Variants in COL14A1 observed in about 807,000 individuals in gnomAD.
COL14A1 encodes collagen alpha-1(XIV) chain.
A neutral mutation model predicts 230.3 loss-of-function variants in COL14A1; 136 were observed. That is an observed-to-expected ratio of 0.59 (90% CI 0.51 to 0.68). COL14A1 has a LOEUF of 0.68. Ranked by LOEUF, COL14A1 falls within the 30% of genes least tolerant of loss-of-function variation. The probability of loss-of-function intolerance (pLI) is 0.00; values close to 1 mark genes in which losing one functional copy is unlikely to be tolerated. For missense variants in COL14A1, 1,976 were observed against 2,215.8 expected, an observed-to-expected ratio of 0.89 and a Z score of 2.17; for synonymous variants, 792 against 784.1, an observed-to-expected ratio of 1.01 and a Z score of -0.17.
chr8:120,213,903 G>T, intron 13 of COL14A1: 2 of 382,940 alleles, frequency 5.2e-6, no homozygotes, highest in South Asian at 1.9e-5. Context: ...TAATTATATT[G>T]CTTTTTTTTC....
intron 24 of COL14A1, among the ~76,000 whole-genome samples, chr8:120,265,560 A>G (rs1264229368): frequency 2.6e-5 from 4 of 151,794 alleles, no homozygotes; most frequent in African/African-American, 9.7e-5. Context: ...TTTCAGAAAT[A>G]TTTCCTTTTC....
intron 4 of COL14A1, among the ~76,000 whole-genome samples, chr8:120,165,492 G>C (rs1017476595): frequency 2.0e-5 from 3 of 152,194 alleles, no homozygotes; most frequent in Non-Finnish European, 4.4e-5. Flanking sequence ...GCAAATGAGG[G>C]TGATGATATG....
intron 42 of COL14A1, among the ~76,000 whole-genome samples, chr8:120,334,542 A>T (rs1354787090): frequency 6.6e-6 from 1 of 151,202 alleles, no homozygotes; most frequent in East Asian, 1.9e-4. Context: ...ACTGAAACCC[A>T]CATGTGTGAA....
At position 120,320,387 on chromosome 8, in the gene COL14A1, A is replaced by T. The variant is rs920486085; in HGVS notation, c.4659+4390A>T. On this transcript the variant is annotated intron_variant, in intron 40 of 47. Coordinates refer to ENST00000297848, the MANE Select transcript of COL14A1 (RefSeq NM_021110.4). The stretch of plus-strand genomic sequence containing the variant: ...TTCTTTTTTTAAAAGCAAGTTAAAA[A>T]TTTTTTTTCTTGGATTTCACCTCAC... Among the ~76,000 whole-genome samples the T allele has an allele frequency of 1.7e-4, 26 of 152,046 alleles. 2 individuals carry two copies. In the South Asian group the frequency reaches 3.7e-3, roughly 22 times the overall value.
At chr8:120,370,868 T>C in intron 47 of COL14A1, 1 of 1,327,440 alleles carries the variant, frequency 7.5e-7, no homozygotes, top group Non-Finnish European at 9.9e-7. Flanking sequence ...TCTTTTATAA[T>C]TTTGCTGAGT....
intron 1 of COL14A1, among the ~76,000 whole-genome samples, chr8:120,134,820 C>T (rs1485604864): frequency 6.6e-6 from 1 of 152,014 alleles, no homozygotes; most frequent in Non-Finnish European, 1.5e-5. Context: ...ACTAAAAATA[C>T]AAAAAACAGT....
intron 13 of COL14A1, among the ~76,000 whole-genome samples, chr8:120,214,496 G>A (rs1347342186): frequency 6.6e-6 from 1 of 152,142 alleles, no homozygotes; most frequent in Non-Finnish European, 1.5e-5. Context: ...GGTCCTTGAA[G>A]AGGTTCAAAA....
chr8:120,287,537 A>T (rs1273785948), intron 33 of COL14A1, among the ~76,000 whole-genome samples: 1 of 152,220 alleles, frequency 6.6e-6, no homozygotes, highest in South Asian at 2.1e-4. Flanking sequence ...TGTAATTCTC[A>T]TTCCAAAGAA....
intron 17 of COL14A1, 95 bp downstream of exon 17, chr8:120,227,447 T>C (rs1047084787): frequency 2.5e-5 from 37 of 1,471,846 alleles, no homozygotes; most frequent in Non-Finnish European, 3.3e-5. Context: ...TCTTTGGCTA[T>C]GTAAGCTTCA....
chr8:120,220,030 TGCTATAGATAC>T (rs1263684369), intron 14 of COL14A1, among the ~76,000 whole-genome samples: 1 of 152,066 alleles, frequency 6.6e-6, no homozygotes, highest in Non-Finnish European at 1.5e-5. Context: ...TTCATAGCCA[TGCTATAGATAC>T]TTGAGGTTGC....
chr8:120,143,282 C>G (rs1309280387), intron 1 of COL14A1, among the ~76,000 whole-genome samples: 1 of 152,174 alleles, frequency 6.6e-6, no homozygotes, highest in Non-Finnish European at 1.5e-5. Flanking sequence ...CTCAAAAGAA[C>G]AGCATCCAGG....
At chr8:120,280,651 A>G (rs1586828204) in intron 29 of COL14A1, 60 bp from the exon 30 acceptor site, 1 of 1,498,708 alleles carries the variant, frequency 6.7e-7, no homozygotes, top group Non-Finnish European at 9.3e-7. Flanking sequence ...CAGGACAGGG[A>G]AAGAGTATGT....
chr8:120,322,223 G>C (rs966496400), intron 40 of COL14A1, among the ~76,000 whole-genome samples: 6 of 151,872 alleles, frequency 4.0e-5, no homozygotes, highest in African/African-American at 7.3e-5. Context: ...GGGCCTGTTG[G>C]GGGGTGGGGT....
intron 5 of COL14A1, among the ~76,000 whole-genome samples, chr8:120,182,855 T>C (rs1816508809): frequency 6.6e-6 from 1 of 150,566 alleles, no homozygotes; most frequent in Non-Finnish European, 1.5e-5. Context: ...GTCTCCCGAG[T>C]AGCTAGGACT....
intron 5 of COL14A1, among the ~76,000 whole-genome samples, chr8:120,195,229 A>T (rs889584852): frequency 6.6e-6 from 1 of 152,176 alleles, no homozygotes; most frequent in African/African-American, 2.4e-5. Flanking sequence ...GCCTATGCCA[A>T]CCATAATAGT....
intron 8 of COL14A1, among the ~76,000 whole-genome samples, chr8:120,203,170 G>A (rs892070982): frequency 3.3e-5 from 5 of 151,722 alleles, no homozygotes; most frequent in Non-Finnish European, 7.4e-5. Context: ...TCATCTTCCT[G>A]TTATGATGTA....
rs543145640 is a variant in COL14A1 at position 120,367,251 on chromosome 8, A to G, written c.5155+3A>G. ...AAGAGGCCCCCCTGGACCAGCAGGT[A>G]AATCTTCCTTCCTAACAAGAGACTG... On this transcript the variant is annotated splice_donor_region_variant and intron_variant, in intron 46 of 47. Coordinates refer to ENST00000297848, the MANE Select transcript of COL14A1 (RefSeq NM_021110.4). The G allele has an allele frequency of 3.7e-6, 6 of 1,604,010 alleles. No individual in the cohort carries two copies. The South Asian group carries it at 5.6e-5, about 15-fold the overall frequency.
intron 35 of COL14A1, among the ~76,000 whole-genome samples, chr8:120,297,902 G>T (rs972301995): frequency 5.9e-5 from 9 of 151,942 alleles, no homozygotes; most frequent in Admixed American, 5.3e-4. Flanking sequence ...ACACCTTGCA[G>T]TTCCATTTAT....
At chr8:120,196,182 A>C (rs1453944548) in intron 5 of COL14A1, among the ~76,000 whole-genome samples, 1 of 152,216 alleles carries the variant, frequency 6.6e-6, no homozygotes, top group Non-Finnish European at 1.5e-5. Flanking sequence ...TTACTGTCAC[A>C]TACACATAAT....
Sources: gnomAD v4.1 joint callset for allele counts (sites outside exome capture counted in the v4.1 genomes callset) on GRCh38, gnomAD v4.1.1 for gene constraint, MANE v1.5 for transcripts, NCBI Gene and HGNC (gene_info 2026-07-23, HGNC 2026-07-21) for gene names.